The following GSE1 variants were observed in gnomAD, a reference collection of about 807,000 sequenced individuals.
GSE1 encodes genetic suppressor element 1.
Under a neutral mutation model 112.6 loss-of-function variants are expected in GSE1, and 32 were observed. The observed-to-expected ratio is 0.28, with a 90% CI of 0.21 to 0.38. GSE1 has a LOEUF of 0.38. Among genes scored for constraint, GSE1 ranks in the 10% least tolerant of loss-of-function variants. The pLI, the probability that GSE1 is intolerant of heterozygous loss-of-function variation, is 1.00. For synonymous variants in GSE1, 1,115 were observed against 735.6 expected, an observed-to-expected ratio of 1.52 and a Z score of -8.35; for missense variants, 2,348 against 1,699.2, an observed-to-expected ratio of 1.38 and a Z score of -6.71.
chr16:85,426,525 G>GT (rs1238213517), intron 2 of GSE1, among the ~76,000 whole-genome samples: 3 of 35,450 alleles, frequency 8.5e-5, no homozygotes, highest in Non-Finnish European at 2.0e-4. Context: ...TGGGTGGAAG[G>GT]GTGGGTGGAT....
Position 85,654,361 on chromosome 16 carries a change from A to C in GSE1, c.510A>C (p.Pro170=). The change falls in exon 4 of 16, where the codon CCA becomes CCC. Residue 170 remains proline (P), a synonymous_variant. Transcript: ENST00000253458. ...TCCCTCAGGAGAAGGCAGGGGGACC[A>C]GCCATCCCCTCGCACCTGCTCAGCA... The part of the protein sequence containing the change: ...PPLPQEKAGG[P]AIPSHLLSTP... The C allele has an allele frequency of 1.2e-6, 2 of 1,611,796 alleles. No individual in the cohort carries two copies. The highest frequency in any genetic ancestry group is 1.7e-6 in the Non-Finnish European group (2 of 1,179,214).
intron 2 of GSE1, among the ~76,000 whole-genome samples, chr16:85,505,421 TG>T (rs2051505688): frequency 6.6e-6 from 1 of 152,140 alleles, no homozygotes; most frequent in African/African-American, 2.4e-5. Context: ...TCACTCTGCC[TG>T]GGGGCTGGGG....
At chr16:85,647,408 A>ATG (rs1481931627) in intron 2 of GSE1, among the ~76,000 whole-genome samples, 2 of 152,194 alleles carry the variant, frequency 1.3e-5, no homozygotes, top group African/African-American at 4.8e-5. Context: ...AAACCTCCTG[A>ATG]TGTGTACCCT....
At chr16:85,225,457 G>T (rs73257929) in intron 1 of GSE1, among the ~76,000 whole-genome samples, 253 of 152,278 alleles carry the variant, frequency 1.7e-3, no homozygotes, top group African/African-American at 5.9e-3. Context: ...CTTTGTGGGG[G>T]GTAGGGATTC....
At chr16:85,642,855 C>T (rs905188869) in intron 2 of GSE1, among the ~76,000 whole-genome samples, 8 of 152,206 alleles carry the variant, frequency 5.3e-5, no homozygotes, top group African/African-American at 1.9e-4. Context: ...CCCTTTCCTT[C>T]CATGCTCGCT....
chr16:85,271,215 T>C (rs1278981367), intron 1 of GSE1, among the ~76,000 whole-genome samples: 1 of 152,076 alleles, frequency 6.6e-6, no homozygotes, highest in Non-Finnish European at 1.5e-5. Context: ...TCTCTCACGG[T>C]GGGTCCCAGA....
chr16:85,499,115 C>A (rs562327251), intron 2 of GSE1, among the ~76,000 whole-genome samples: 1 of 151,162 alleles, frequency 6.6e-6, no homozygotes, highest in African/African-American at 2.4e-5. Flanking sequence ...GGGGAGGAAG[C>A]CCCTTGGTAT....
chr16:85,198,201 C>T (rs780222713), intron 1 of GSE1, among the ~76,000 whole-genome samples: 1 of 152,164 alleles, frequency 6.6e-6, no homozygotes, highest in Admixed American at 6.5e-5. Flanking sequence ...AACCTGAGGA[C>T]CCACAGGGTC....
intron 1 of GSE1, among the ~76,000 whole-genome samples, chr16:85,614,404 G>A (rs1043454113): frequency 2.7e-5 from 4 of 150,936 alleles, no homozygotes; most frequent in African/African-American, 7.3e-5. Flanking sequence ...CCCTGCGCCC[G>A]CCCACCCCCA....
chr16:85,663,201 G>C, intron 10 of GSE1, 108 bp downstream of exon 10: 1 of 1,266,234 alleles, frequency 7.9e-7, no homozygotes, highest in African/African-American at 1.5e-5. Flanking sequence ...AAGTCCTGGC[G>C]GGTTCGCCCC....
intron 1 of GSE1, among the ~76,000 whole-genome samples, chr16:85,263,673 A>G (rs1302913005): frequency 6.6e-6 from 1 of 151,780 alleles, no homozygotes; most frequent in East Asian, 1.9e-4. Context: ...CCAGGGTTGA[A>G]GCGATTCTCC....
At chr16:85,325,117 T>C (rs1397963702) in intron 1 of GSE1, among the ~76,000 whole-genome samples, 1 of 152,078 alleles carries the variant, frequency 6.6e-6, no homozygotes, top group Non-Finnish European at 1.5e-5. Context: ...TACAGGTGCA[T>C]GCCACCACAC....
intron 1 of GSE1, among the ~76,000 whole-genome samples, chr16:85,299,486 G>C (rs998855928): frequency 6.6e-6 from 1 of 152,356 alleles, no homozygotes; most frequent in East Asian, 1.9e-4. Context: ...GCCTGAGGTC[G>C]GAGGGAGCGT....
intron 1 of GSE1, among the ~76,000 whole-genome samples, chr16:85,202,577 A>AC (rs950280498): frequency 6.6e-6 from 1 of 151,984 alleles, no homozygotes; most frequent in Admixed American, 6.5e-5. Flanking sequence ...CCGAGGCAGA[A>AC]CCCCACCCCA....
chr16:85,245,219 G>A (rs184809080), intron 1 of GSE1, among the ~76,000 whole-genome samples: 2 of 152,234 alleles, frequency 1.3e-5, no homozygotes, highest in African/African-American at 4.8e-5. Context: ...TAAATAAAAG[G>A]TAGCCAGTGA....
intron 1 of GSE1, among the ~76,000 whole-genome samples, chr16:85,245,938 TGTTA>T (rs1358571490): frequency 2.0e-5 from 3 of 149,506 alleles, no homozygotes; most frequent in Admixed American, 1.3e-4. Context: ...TGTCTGCGTG[TGTTA>T]GTTGGGGAGC....
At chr16:85,256,719 TG>T (rs1248920541) in intron 1 of GSE1, among the ~76,000 whole-genome samples, 1 of 152,254 alleles carries the variant, frequency 6.6e-6, no homozygotes, top group Non-Finnish European at 1.5e-5. Context: ...CCAGAGGTGT[TG>T]TCAGCCCTGG....
intron 1 of GSE1, among the ~76,000 whole-genome samples, chr16:85,570,612 G>A (rs2045943900): frequency 6.6e-6 from 1 of 152,214 alleles, no homozygotes; most frequent in Non-Finnish European, 1.5e-5. Context: ...GGTGGCCAGC[G>A]GGTCAGACCG....
At chr16:85,661,124 A>G in intron 8 of GSE1, 22 bp from the exon 9 acceptor site, 1 of 1,542,340 alleles carries the variant, frequency 6.5e-7, no homozygotes. Context: ...TCCCTGACTG[A>G]AGGGTTGGTT....
Sources: gnomAD v4.1 joint callset for allele counts (sites outside exome capture counted in the v4.1 genomes callset) on GRCh38, gnomAD v4.1.1 for gene constraint, MANE v1.5 for transcripts, NCBI Gene and HGNC (gene_info 2026-07-23, HGNC 2026-07-21) for gene names.